The following SLC24A3 variants were observed in gnomAD, a reference collection of about 807,000 sequenced individuals.
The protein encoded by SLC24A3 is solute carrier family 24 member 3.
Under a neutral mutation model 75.8 loss-of-function variants are expected in SLC24A3, and 28 were observed. The ratio of observed to expected loss-of-function variants is 0.37; its 90% CI spans 0.27 to 0.51. The LOEUF is 0.51. SLC24A3 is among the 20% of genes least tolerant of loss of function. The probability of loss-of-function intolerance (pLI) is 0.94; values close to 1 mark genes in which losing one functional copy is unlikely to be tolerated. For synonymous variants in SLC24A3, 372 were observed against 334.1 expected, an observed-to-expected ratio of 1.11 and a Z score of -1.24; for missense variants, 663 against 847.8, an observed-to-expected ratio of 0.78 and a Z score of 2.71.
intron 6 of SLC24A3, among the ~76,000 whole-genome samples, chr20:19,648,781 A>G (rs1388946187): frequency 6.6e-6 from 1 of 152,238 alleles, no homozygotes; most frequent in East Asian, 1.9e-4. Context: ...CCACTCTGAA[A>G]CTAAATGAAA....
In SLC24A3 at chr20:19,721,069, C is replaced by G; in HGVS notation, c.1864C>G (p.Leu622Val). The G allele has an allele frequency of 6.2e-7, 1 of 1,614,122 alleles. No individual in the cohort carries two copies. Among genetic ancestry groups the G allele is most frequent in the Non-Finnish European group, 8.5e-7 (1 of 1,180,038 alleles). Reference protein sequence around the residue: ...CGCLLLYGVFLCFSIMTEFNV... With the variant: ...CGCLLLYGVFVCFSIMTEFNV... ...GTGCCTCCTCCTGTATGGTGTGTTC[C>G]TGTGCTTCTCCATCATGACTGAGTT... The change falls in exon 17 of 17, where the codon CTG (leucine) becomes GTG (valine). Residue 622 changes from leucine (L) to valine (V), a missense_variant. Transcript: ENST00000328041.
intron 3 of SLC24A3, among the ~76,000 whole-genome samples, chr20:19,578,633 G>A (rs569296067): frequency 2.0e-5 from 3 of 152,076 alleles, no homozygotes; most frequent in East Asian, 3.9e-4. Context: ...GGGGATGTAC[G>A]ACTCCCATCC....
At chr20:19,628,208 AAAAAAAAAAAAAAAG>A (rs1273463482) in intron 6 of SLC24A3, among the ~76,000 whole-genome samples, 3 of 145,808 alleles carry the variant, frequency 2.1e-5, no homozygotes, top group Non-Finnish European at 4.5e-5. Flanking sequence ...ATCTCAAAAA[AAAAAAAAAAAAAAAG>A]AAAAAGAAAA....
intron 2 of SLC24A3, among the ~76,000 whole-genome samples, chr20:19,351,010 A>G (rs899569546): frequency 1.1e-4 from 17 of 152,228 alleles, no homozygotes; most frequent in Middle Eastern, 3.4e-3. Flanking sequence ...GGCTTTCCCC[A>G]TGGCCCAGCC....
At chr20:19,447,373 G>T (rs1987404574) in intron 2 of SLC24A3, among the ~76,000 whole-genome samples, 1 of 152,220 alleles carries the variant, frequency 6.6e-6, no homozygotes, top group African/African-American at 2.4e-5. Flanking sequence ...AGTGTTGTTT[G>T]CTCTGGAGAA....
intron 2 of SLC24A3, among the ~76,000 whole-genome samples, chr20:19,451,569 G>A (rs890508980): frequency 6.6e-6 from 1 of 152,218 alleles, no homozygotes; most frequent in African/African-American, 2.4e-5. Context: ...CTAGTCCTCT[G>A]TTTTTGCAAG....
At chr20:19,596,965 A>G (rs2031460072) in intron 6 of SLC24A3, among the ~76,000 whole-genome samples, 1 of 152,250 alleles carries the variant, frequency 6.6e-6, no homozygotes, top group Non-Finnish European at 1.5e-5. Flanking sequence ...AGACTCTGCT[A>G]GGCTGCAATA....
chr20:19,588,078 A>G (rs1464638691), intron 6 of SLC24A3, among the ~76,000 whole-genome samples: 1 of 152,192 alleles, frequency 6.6e-6, no homozygotes, highest in Admixed American at 6.5e-5. Context: ...AAATCAAAGT[A>G]AGGAGATGTT....
chr20:19,282,993 G>C (rs1328823120), intron 2 of SLC24A3: 1 of 152,586 alleles, frequency 6.6e-6, no homozygotes, highest in Non-Finnish European at 1.5e-5. Context: ...GGATCTGCCT[G>C]TGTTGGCAGG....
chr20:19,243,168 TC>T (rs1982382175), intron 1 of SLC24A3, among the ~76,000 whole-genome samples: 1 of 152,206 alleles, frequency 6.6e-6, no homozygotes, highest in South Asian at 2.1e-4. Flanking sequence ...CCAGGTGATT[TC>T]CTGAGACATA....
At chr20:19,541,255 G>A (rs973693321) in intron 3 of SLC24A3, among the ~76,000 whole-genome samples, 4 of 152,184 alleles carry the variant, frequency 2.6e-5, no homozygotes, top group Non-Finnish European at 1.5e-5. Flanking sequence ...CAAGGATAAT[G>A]GCAGCGGCTG....
intron 1 of SLC24A3, among the ~76,000 whole-genome samples, chr20:19,268,002 T>C (rs1983218666): frequency 6.6e-6 from 1 of 152,224 alleles, no homozygotes; most frequent in African/African-American, 2.4e-5. Context: ...AATGGACATG[T>C]GCATGGTGTA....
intron 6 of SLC24A3, among the ~76,000 whole-genome samples, chr20:19,601,356 C>T (rs942653401): frequency 4.6e-5 from 7 of 152,166 alleles, no homozygotes; most frequent in Non-Finnish European, 2.9e-5. Context: ...CTTTGGTGCC[C>T]CAGTTCCCTG....
chr20:19,462,355 G>A (rs1019965638), intron 2 of SLC24A3, among the ~76,000 whole-genome samples: 1 of 152,050 alleles, frequency 6.6e-6, no homozygotes, highest in Admixed American at 6.5e-5. Context: ...CACCTCCTGG[G>A]TTCACGCCAT....
At chr20:19,692,039 A>G (rs1296127369) in intron 12 of SLC24A3, among the ~76,000 whole-genome samples, 4 of 152,178 alleles carry the variant, frequency 2.6e-5, no homozygotes, top group African/African-American at 7.2e-5. Context: ...TACTTTTTCT[A>G]TCTATGCAGT....
At chr20:19,341,403 C>T (rs753965586) in intron 2 of SLC24A3, among the ~76,000 whole-genome samples, 42 of 152,242 alleles carry the variant, frequency 2.8e-4, no homozygotes, top group African/African-American at 9.2e-4. Context: ...CTGAGGATCA[C>T]GTAGGTTTGG....
intron 2 of SLC24A3, among the ~76,000 whole-genome samples, chr20:19,469,150 T>G (rs77522790): frequency 1.6e-4 from 24 of 152,038 alleles, no homozygotes; most frequent in Non-Finnish European, 2.8e-4. Context: ...TCACCATGAT[T>G]GTGACAGAAG....
At chr20:19,536,417 A>G (rs1438256427) in intron 3 of SLC24A3, among the ~76,000 whole-genome samples, 1 of 152,094 alleles carries the variant, frequency 6.6e-6, no homozygotes, top group Non-Finnish European at 1.5e-5. Context: ...TCTGGGTTGG[A>G]TGCTGCTAAA....
intron 2 of SLC24A3, among the ~76,000 whole-genome samples, chr20:19,509,793 G>A (rs972873992): frequency 6.6e-6 from 1 of 152,192 alleles, no homozygotes; most frequent in Non-Finnish European, 1.5e-5. Flanking sequence ...GAGGCAATGG[G>A]AAGGAGGATC....
Sources: allele counts gnomAD v4.1 joint callset (sites outside exome capture counted in the v4.1 genomes callset), GRCh38; gene constraint gnomAD v4.1.1; transcripts MANE v1.5; gene names NCBI Gene and HGNC (gene_info 2026-07-23, HGNC 2026-07-21).